The following GBP2 variants were observed in gnomAD, a reference collection of about 807,000 sequenced individuals.
GBP2 encodes guanylate binding protein 2.
A neutral mutation model predicts 60.8 loss-of-function variants in GBP2; 54 were observed. The ratio of observed to expected loss-of-function variants is 0.89; its 90% confidence interval spans 0.71 to 1.11. GBP2 has a LOEUF of 1.11. Ranked by LOEUF, GBP2 falls within the 50% of genes most tolerant of loss-of-function variation. The pLI is 0.00. For synonymous variants in GBP2, 243 were observed against 256.5 expected, an observed-to-expected ratio of 0.95 and a Z score of 0.50; for missense variants, 665 against 703.3, an observed-to-expected ratio of 0.95 and a Z score of 0.62.
intron 10 of GBP2, among the ~76,000 whole-genome samples, chr1:89,109,215 T>C (rs1008766637): frequency 3.3e-5 from 5 of 152,114 alleles, no homozygotes; most frequent in African/African-American, 1.2e-4. Context: ...ATCTTTCTAC[T>C]CATAACAGTG....
In GBP2 at chr1:89,108,267, C is replaced by T. The variant is rs747993222; in HGVS notation, c.1684G>A (p.Gly562Arg). 1.2e-6 allele frequency: 2 copies of T among 1,612,186 alleles called. No homozygotes were observed. Among genetic ancestry groups the T allele is most frequent in the South Asian group, 1.1e-5 (1 of 91,028 alleles). Residue 562 changes from glycine to arginine, a missense_variant, in exon 11 of 11, where the codon GGA becomes AGA. Transcript: ENST00000370466. The stretch of plus-strand genomic sequence containing the variant: ...AGTCTCTTGCTCTCATTCTCGAATC[C>T]CTCCTTGAGAAGGCGTTCCTGTTCC... ...LQEQERLLKE[G>R]FENESKRLQK... is the part of the protein sequence containing the mutation.
intron 8 of GBP2, among the ~76,000 whole-genome samples, chr1:89,111,105 C>T (rs780163017): frequency 6.6e-6 from 1 of 151,990 alleles, no homozygotes; most frequent in Non-Finnish European, 1.5e-5. Flanking sequence ...ATTCAATATC[C>T]CTTCATTAAT....
At chr1:89,119,272 G>C (rs984491989) in intron 4 of GBP2, 3 of 152,150 alleles carry the variant, frequency 2.0e-5, no homozygotes, top group Non-Finnish European at 4.4e-5. Flanking sequence ...AATGCTCCTA[G>C]AGAAATAAAA....
rs1681516741 is a variant in GBP2, at chr1:89,126,109, T to G, written c.-264A>C. ...AGGTAACCTCTGCAAAGAAATGCACTAATATGAAACAAAGTATCAACTAAA... is the reference window on the plus strand; with the variant it reads ...AGGTAACCTCTGCAAAGAAATGCACGAATATGAAACAAAGTATCAACTAAA... On this transcript the variant is annotated 5_prime_UTR_variant, in exon 1 of 11. Transcript: ENST00000370466. The G allele has an allele frequency of 6.6e-6, 1 of 152,336 alleles. No individual in the cohort carries two copies. The highest frequency in any genetic ancestry group is 2.1e-4 in the South Asian group (1 of 4,830). 9.4% of individuals were successfully genotyped at this position (152,336 alleles called of 1,614,324 possible). A position where few individuals can be genotyped will look rare whatever the true frequency, so the allele number is the denominator to read the frequency against.
Position 89,108,209 on chromosome 1 carries a change from C to T in GBP2, c.1742G>A (p.Ser581Asn), listed in dbSNP as rs1681092161. Residue 581 changes from serine (S) to asparagine (N), a missense_variant, in exon 11 of 11, where the codon AGC becomes AAC. Coordinates refer to ENST00000370466, the MANE Select transcript of GBP2 (RefSeq NM_004120.5). ...GTTACATATTGGCTCCAATGATTTG[C>T]TTCTCATCTGGATATCCCATATGTC... Reference protein sequence around the residue: ...QKDIWDIQMRSKSLEPICNIL With the variant: ...QKDIWDIQMRNKSLEPICNIL 6.2e-7 allele frequency: 1 copy of T among 1,612,786 alleles called. No homozygotes were observed. Among genetic ancestry groups the T allele is most frequent in the Non-Finnish European group, 8.5e-7 (1 of 1,179,224 alleles).
At chr1:89,124,381 A>C (rs542766357) in intron 1 of GBP2, among the ~76,000 whole-genome samples, 1 of 152,220 alleles carries the variant, frequency 6.6e-6, no homozygotes, top group African/African-American at 2.4e-5. Context: ...ACTGTTCAGA[A>C]AATGGATTTT....
rs1681225306 is a variant in GBP2 at position 89,114,286 on chromosome 1, G to C, written c.879C>G (p.Ser293Arg). Residue 293 changes from serine (S) to arginine (R), a missense_variant, in exon 7 of 11, where the codon AGC (serine) becomes AGG (arginine). Ser to Arg is a moderately radical substitution (Grantham distance 110). Coordinates refer to ENST00000370466, the MANE Select transcript of GBP2 (RefSeq NM_004120.5). ...TGGCATTGACGTAGGTCAGCACCAGGCTCTCTAGACCTGCAAAAGGGAATT... is the reference window on the plus strand; with the variant it reads ...TGGCATTGACGTAGGTCAGCACCAGCCTCTCTAGACCTGCAAAAGGGAATT... ...GIPVNGPRLESLVLTYVNAIS... is the reference protein window; with the variant it reads ...GIPVNGPRLERLVLTYVNAIS... 1 of 1,614,068 alleles carries C rather than the reference G, an allele frequency of 6.2e-7. No individual in the cohort carries two copies. Among genetic ancestry groups the C allele is most frequent in the Non-Finnish European group, 8.5e-7 (1 of 1,180,000 alleles).
At chr1:89,121,075 G>T in intron 3 of GBP2, 68 bp downstream of exon 3, 3 of 1,276,590 alleles carry the variant, frequency 2.4e-6, no homozygotes, top group Non-Finnish European at 3.3e-6. Flanking sequence ...GATGGTTATC[G>T]ATCTGACCTG....
Position 89,121,693 on chromosome 1 carries a change from C to T in GBP2, c.190+84G>A, listed in dbSNP as rs1681399144. The T allele has an allele frequency of 2.1e-6, 3 of 1,411,144 alleles. No homozygotes were observed. In the Admixed American group the frequency reaches 6.3e-5, roughly 30 times the overall value. 87.4% of individuals were successfully genotyped at this position (1,411,144 alleles called of 1,614,324 possible). A position where few individuals can be genotyped will look rare whatever the true frequency, so the allele number is the denominator to read the frequency against. ...GTTAGCTTTCAACATTCATTCTCATCTCTTTCTATGCTCACATCCCTAAGC... is the reference window on the plus strand; with the variant it reads ...GTTAGCTTTCAACATTCATTCTCATTTCTTTCTATGCTCACATCCCTAAGC... On this transcript the variant is annotated intron_variant, in intron 2 of 10. Coordinates refer to ENST00000370466, the MANE Select transcript of GBP2 (RefSeq NM_004120.5).
At chr1:89,108,323 A>C (rs905584317) in intron 10 of GBP2, 32 bp from the exon 11 acceptor site, 1 of 1,354,398 alleles carries the variant, frequency 7.4e-7, no homozygotes, top group Non-Finnish European at 1.1e-6. Context: ...AAGCCTATCC[A>C]GCTTAACACA....
At chr1:89,110,875 A>T (rs185267570) in intron 8 of GBP2, among the ~76,000 whole-genome samples, 1 of 152,316 alleles carries the variant, frequency 6.6e-6, no homozygotes, top group Admixed American at 6.5e-5. Flanking sequence ...ACTCTACAAT[A>T]TCTCTAATGA....
chr1:89,124,413 TC>T (rs141527699), intron 1 of GBP2, among the ~76,000 whole-genome samples: 2,276 of 152,342 alleles, frequency 0.015, 20 homozygotes, highest in Middle Eastern at 0.024. Flanking sequence ...TGTCACATTT[TC>T]TGACTTAATT....
chr1:89,117,818 T>A, intron 4 of GBP2, 45 bp from the exon 5 acceptor site: 2 of 1,447,490 alleles, frequency 1.4e-6, no homozygotes, highest in Non-Finnish European at 1.9e-6. Context: ...CCACTCTTTA[T>A]ACTACATTTT....
At chr1:89,124,538 G>A (rs1460497227) in intron 1 of GBP2, among the ~76,000 whole-genome samples, 1 of 152,196 alleles carries the variant, frequency 6.6e-6, no homozygotes, top group Non-Finnish European at 1.5e-5. Flanking sequence ...GGGGAATCTT[G>A]TGTCATACAT....
At chr1:89,119,986 C>T (rs529596261) in intron 4 of GBP2, 193 bp downstream of exon 4, 213 of 551,988 alleles carry the variant, frequency 3.9e-4, no homozygotes, top group Non-Finnish European at 5.6e-4. Context: ...GAGTATCTAA[C>T]GAGACATGTA....
rs1389658427 is a variant in GBP2 at position 89,124,538 on chromosome 1, G to GTA, written c.-18+1324_-18+1325insTA. On this transcript the variant is annotated intron_variant, in intron 1 of 10. Transcript: ENST00000370466. Reference sequence around the variant, plus strand: ...TAGGAACTTTTACCTGGGGAATCTTGTGTCATACATATCTCCATACTTTGA... The same window carrying GTA: ...TAGGAACTTTTACCTGGGGAATCTTGTATGTCATACATATCTCCATACTTTGA... 2.6e-5 allele frequency among the ~76,000 whole-genome samples: 4 copies of GTA among 152,196 alleles called. No individual in the cohort carries two copies. The South Asian group carries it at 8.3e-4, about 32-fold the overall frequency.
rs763853855 is a variant in GBP2, at chr1:89,117,033, T to C, written c.827A>G (p.Asn276Ser). Residue 276 changes from asparagine to serine, a missense_variant, in exon 6 of 11, where the codon AAT (asparagine) becomes AGT (serine). By Grantham distance (46) the Asn-to-Ser change is conservative. Coordinates refer to ENST00000370466, the MANE Select transcript of GBP2 (RefSeq NM_004120.5). ...AATGCCACCTGAAAGAGTCTTGACA[T>C]TGGAATGGCTGAGGATGTAGGAACA... ...EFCSYILSHS[N>S]VKTLSGGIPV... 4 of 1,614,066 alleles carry C rather than the reference T, an allele frequency of 2.5e-6. No homozygotes were observed. The highest frequency in any genetic ancestry group is 3.4e-6 in the Non-Finnish European group (4 of 1,179,952).
chr1:89,112,332 T>C (rs1260463642), intron 8 of GBP2, 140 bp downstream of exon 8: 1 of 698,968 alleles, frequency 1.4e-6, no homozygotes, highest in Non-Finnish European at 2.5e-6. Flanking sequence ...TGGGCTCTCT[T>C]ATTGAATGAA....
Position 89,117,885 on chromosome 1 carries a change from CACAA to C in GBP2, c.429-116_429-113del, listed in dbSNP as rs1429648629. The C allele has an allele frequency of 4.8e-6, 4 of 824,796 alleles. No individual in the cohort carries two copies. The African/African-American group carries it at 7.0e-5, about 14-fold the overall frequency. 51.1% of individuals were successfully genotyped at this position (824,796 alleles called of 1,614,324 possible). A position where few individuals can be genotyped will look rare whatever the true frequency, so the allele number is the denominator to read the frequency against. ...CTTTTTATTAGCTCATTCATTCATTCACAAACATTTATTTACAGAATTCATTCAC... is the reference window on the plus strand; with the variant it reads ...CTTTTTATTAGCTCATTCATTCATTCACATTTATTTACAGAATTCATTCAC... On this transcript the variant is annotated intron_variant, in intron 4 of 10. Coordinates refer to ENST00000370466, the MANE Select transcript of GBP2 (RefSeq NM_004120.5).
Sources: gnomAD v4.1 joint callset for allele counts (sites outside exome capture counted in the v4.1 genomes callset) on GRCh38, gnomAD v4.1.1 for gene constraint, MANE v1.5 for transcripts, NCBI Gene and HGNC (gene_info 2026-07-23, HGNC 2026-07-21) for gene names.